Variants in PPFIA2 observed in about 807,000 individuals in gnomAD.
The protein encoded by PPFIA2 is PPFI scaffold protein A2, also known as liprin-alpha-2.
Under a neutral mutation model 175.5 loss-of-function variants are expected in PPFIA2, and 46 were observed. The observed-to-expected ratio is 0.26, with a 90% CI of 0.21 to 0.34. The LOEUF (loss-of-function observed/expected upper bound fraction) is 0.34, where lower values mean the gene tolerates loss of function less well. Among genes scored for constraint, PPFIA2 ranks in the 10% least tolerant of loss-of-function variants. The pLI, the probability that PPFIA2 is intolerant of heterozygous loss-of-function variation, is 1.00. For missense variants in PPFIA2, 1,179 were observed against 1,506.1 expected (o/e 0.78, Z 3.60); for synonymous variants, 568 against 511.4 (o/e 1.11, Z -1.49).
At chr12:81,545,018 T>C (rs866315086) in intron 4 of PPFIA2, among the ~76,000 whole-genome samples, 1 of 151,548 alleles carries the variant, frequency 6.6e-6, no homozygotes, top group African/African-American at 2.4e-5. Flanking sequence ...TAGAACTTTT[T>C]GGTATCTGCT....
At chr12:81,333,723 G>A (rs1027829579) in intron 21 of PPFIA2, among the ~76,000 whole-genome samples, 5 of 152,000 alleles carry the variant, frequency 3.3e-5, no homozygotes, top group Non-Finnish European at 5.9e-5. Context: ...TGGTGGGGGG[G>A]ATAGCATTTA....
chr12:81,311,294 T>G (rs1331088790), intron 22 of PPFIA2, among the ~76,000 whole-genome samples: 1 of 152,132 alleles, frequency 6.6e-6, no homozygotes, highest in Non-Finnish European at 1.5e-5. Context: ...CAACACACAT[T>G]CAACCAAAAC....
chr12:81,574,991 T>C (rs1272311745), intron 4 of PPFIA2, among the ~76,000 whole-genome samples: 2 of 151,992 alleles, frequency 1.3e-5, no homozygotes. Context: ...TGGCAGAATA[T>C]TTTCTGTGAA....
intron 4 of PPFIA2, among the ~76,000 whole-genome samples, chr12:81,579,848 A>G (rs1417195134): frequency 6.6e-6 from 1 of 151,802 alleles, no homozygotes; most frequent in Non-Finnish European, 1.5e-5. Context: ...ATCACCTCAG[A>G]TTCAGATTAA....
intron 4 of PPFIA2, among the ~76,000 whole-genome samples, chr12:81,624,876 T>G (rs1023700352): frequency 2.6e-5 from 4 of 151,146 alleles, no homozygotes; most frequent in Admixed American, 1.3e-4. Flanking sequence ...TTAGGTACAG[T>G]GTACACTACT....
chr12:81,524,403 G>A (rs1036591663), intron 4 of PPFIA2, among the ~76,000 whole-genome samples: 3 of 152,216 alleles, frequency 2.0e-5, no homozygotes, highest in African/African-American at 7.2e-5. Flanking sequence ...GGCCTCAAGG[G>A]CAGACAACTG....
At chr12:81,436,067 C>T (rs1380872322) in intron 7 of PPFIA2, among the ~76,000 whole-genome samples, 1 of 151,630 alleles carries the variant, frequency 6.6e-6, no homozygotes, top group Non-Finnish European at 1.5e-5. Context: ...TGTTTGACCC[C>T]TGGAGTTAAA....
At chr12:81,298,121 T>C (rs923826530) in intron 23 of PPFIA2, 2 of 152,194 alleles carry the variant, frequency 1.3e-5, no homozygotes, top group African/African-American at 4.8e-5. Context: ...CAACTCATTT[T>C]ATCGGAGCAA....
At chr12:81,260,007 T>C in intron 32 of PPFIA2, 1 of 186,194 alleles carries the variant, frequency 5.4e-6, no homozygotes, top group Non-Finnish European at 1.1e-5. Flanking sequence ...ATAATGTAGA[T>C]TTATATTCTA....
intron 22 of PPFIA2, chr12:81,302,839 G>C: frequency 3.2e-6 from 1 of 309,590 alleles, no homozygotes; most frequent in Non-Finnish European, 6.6e-6. Flanking sequence ...ATGTTGGTTT[G>C]AGAGACAAGC....
At chr12:81,516,121 A>G (rs1005435836) in intron 4 of PPFIA2, among the ~76,000 whole-genome samples, 1 of 152,178 alleles carries the variant, frequency 6.6e-6, no homozygotes, top group Non-Finnish European at 1.5e-5. Flanking sequence ...GTGGAAAAGC[A>G]TATTGGATTT....
chr12:81,599,662 C>T (rs1482829607), intron 4 of PPFIA2, among the ~76,000 whole-genome samples: 1 of 151,908 alleles, frequency 6.6e-6, no homozygotes, highest in Non-Finnish European at 1.5e-5. Flanking sequence ...TAACTAAACT[C>T]AATACTTTAC....
In PPFIA2 at chr12:81,259,323, G is replaced by GACTT. The variant is rs1384954695; in HGVS notation, c.*367_*370dup. On this transcript the variant is annotated 3_prime_UTR_variant, in exon 33 of 33. Transcript: ENST00000549396. The stretch of plus-strand genomic sequence containing the variant: ...ATCATATTTATATCCATTTACATAA[G>GACTT]ACTTACACATTTAAAAAGAAATGCA... 3 of 470,796 alleles carry GACTT rather than the reference G, an allele frequency of 6.4e-6. No homozygotes were observed. Among genetic ancestry groups the GACTT allele is most frequent in the African/African-American group, 2.0e-5 (1 of 49,702 alleles). The allele number at this position is 470,796 out of a possible 1,614,324, so 29.2% of individuals were successfully genotyped here.
intron 16 of PPFIA2, among the ~76,000 whole-genome samples, chr12:81,356,387 G>T (rs1280944245): frequency 6.6e-6 from 1 of 152,096 alleles, no homozygotes; most frequent in Non-Finnish European, 1.5e-5. Flanking sequence ...GAACTGGTAG[G>T]TGCAGTGGTT....
intron 4 of PPFIA2, among the ~76,000 whole-genome samples, chr12:81,467,676 T>G (rs2055941314): frequency 6.6e-6 from 1 of 152,224 alleles, no homozygotes; most frequent in African/African-American, 2.4e-5. Flanking sequence ...CTATTATCAC[T>G]AACCCAGGGC....
intron 23 of PPFIA2, 93 bp downstream of exon 23, chr12:81,299,208 G>A: frequency 6.8e-7 from 1 of 1,461,106 alleles, no homozygotes; most frequent in Non-Finnish European, 9.2e-7. Flanking sequence ...CTAAGGGGAT[G>A]CTGTGATTTC....
At chr12:81,640,094 G>T (rs1289334507) in intron 4 of PPFIA2, among the ~76,000 whole-genome samples, 2 of 152,058 alleles carry the variant, frequency 1.3e-5, no homozygotes, top group Admixed American at 1.3e-4. Flanking sequence ...TCAAATATGA[G>T]TATGATTATA....
At chr12:81,735,363 C>T (rs2081438950) in intron 3 of PPFIA2, among the ~76,000 whole-genome samples, 2 of 151,758 alleles carry the variant, frequency 1.3e-5, no homozygotes, top group Admixed American at 6.6e-5. Flanking sequence ...TTGAGCATAT[C>T]TTCATCTGCT....
At chr12:81,510,420 C>A (rs2061643856) in intron 4 of PPFIA2, among the ~76,000 whole-genome samples, 1 of 151,982 alleles carries the variant, frequency 6.6e-6, no homozygotes, top group South Asian at 2.1e-4. Context: ...TCTTTATCAG[C>A]AGAGCAAAAA....
Sources: gnomAD v4.1 joint callset for allele counts (sites outside exome capture counted in the v4.1 genomes callset) on GRCh38, gnomAD v4.1.1 for gene constraint, MANE v1.5 for transcripts, NCBI Gene and HGNC (gene_info 2026-07-23, HGNC 2026-07-21) for gene names.